Variants in CYP2C19 observed in about 807,000 individuals in gnomAD.
CYP2C19 encodes cytochrome P450 family 2 subfamily C member 19.
In CYP2C19, 59 loss-of-function variants were observed where a neutral mutation model predicts 40.9. The observed-to-expected ratio is 1.44, with a 90% CI of 1.17 to 1.79. The LOEUF (loss-of-function observed/expected upper bound fraction) is 1.79, where lower values mean the gene tolerates loss of function less well. Among genes scored for constraint, CYP2C19 ranks in the 40% most tolerant of loss-of-function variants. The pLI is 0.00. For synonymous variants in CYP2C19, 253 were observed against 208.7 expected (o/e 1.21, Z -1.83); for missense variants, 754 against 596.9 (o/e 1.26, Z -2.74).
At chr10:94,804,449 T>C (rs1848806360) in intron 5 of CYP2C19, among the ~76,000 whole-genome samples, 1 of 152,228 alleles carries the variant, frequency 6.6e-6, no homozygotes. Context: ...AAAGAATGAT[T>C]GACTTTTTAT....
At chr10:94,817,857 C>CA (rs1564674927) in intron 5 of CYP2C19, among the ~76,000 whole-genome samples, 3 of 151,456 alleles carry the variant, frequency 2.0e-5, no homozygotes, top group African/African-American at 7.3e-5. Flanking sequence ...ACTAAAAATA[C>CA]AAAAAATTAG....
chr10:94,838,346 A>G (rs1849436924), intron 6 of CYP2C19, among the ~76,000 whole-genome samples: 2 of 152,196 alleles, frequency 1.3e-5, no homozygotes, highest in Non-Finnish European at 2.9e-5. Context: ...GGCTGCAGAT[A>G]TGGTGGCAAT....
chr10:94,815,288 T>C (rs1286796941), intron 5 of CYP2C19, among the ~76,000 whole-genome samples: 1 of 152,156 alleles, frequency 6.6e-6, no homozygotes, highest in Non-Finnish European at 1.5e-5. Flanking sequence ...GAGAATCTAG[T>C]CTATTTCAGT....
chr10:94,815,744 C>T (rs1251592782), intron 5 of CYP2C19, among the ~76,000 whole-genome samples: 1 of 152,104 alleles, frequency 6.6e-6, no homozygotes, highest in Non-Finnish European at 1.5e-5. Flanking sequence ...TACTGTGGGC[C>T]CATCTTGTCA....
At chr10:94,807,415 A>G (rs1440688565) in intron 5 of CYP2C19, among the ~76,000 whole-genome samples, 1 of 152,104 alleles carries the variant, frequency 6.6e-6, no homozygotes, top group Non-Finnish European at 1.5e-5. Context: ...ATACCCAAGA[A>G]TGGGATTGCT....
chr10:94,770,494 C>T (rs1049977629), intron 1 of CYP2C19, among the ~76,000 whole-genome samples: 2 of 152,018 alleles, frequency 1.3e-5, no homozygotes, highest in Non-Finnish European at 2.9e-5. Context: ...CCTTTTGGGC[C>T]TGTTCCTCTT....
intron 6 of CYP2C19, among the ~76,000 whole-genome samples, chr10:94,826,686 C>T (rs552877984): frequency 1.3e-5 from 2 of 152,138 alleles, no homozygotes; most frequent in East Asian, 3.9e-4. Flanking sequence ...CCAGAACTTC[C>T]AACACTATGT....
intron 5 of CYP2C19, among the ~76,000 whole-genome samples, chr10:94,811,442 A>C (rs112616341): frequency 0.075 from 11,337 of 151,982 alleles, 482 homozygotes; most frequent in South Asian, 0.12. Context: ...TCCTTGTTAA[A>C]TTTCTGTCTC....
intron 5 of CYP2C19, among the ~76,000 whole-genome samples, chr10:94,814,491 C>T (rs1848971553): frequency 6.6e-6 from 1 of 150,900 alleles, no homozygotes. Context: ...TGTTTGTGTG[C>T]AGGTGACGAA....
In CYP2C19 at chr10:94,775,119, T is replaced by C; in HGVS notation, c.230T>C (p.Leu77Pro). ...TTTGGCCTGGAACGCATGGTGGTGC[T>C]GCATGGATATGAAGTGGTGAAGGAA... ...LYFGLERMVV[L>P]HGYEVVKEAL... The change falls in exon 2 of 9, where the codon CTG (leucine) becomes CCG (proline). Residue 77 changes from leucine to proline, a missense_variant. Physicochemically the swap from Leu to Pro is moderately conservative, Grantham distance 98. Coordinates refer to ENST00000371321, the MANE Select transcript of CYP2C19 (RefSeq NM_000769.4). 6.2e-7 allele frequency: 1 copy of C among 1,614,160 alleles called. No individual in the cohort carries two copies. The highest frequency in any genetic ancestry group is 8.5e-7 in the Non-Finnish European group (1 of 1,180,038).
intron 5 of CYP2C19, among the ~76,000 whole-genome samples, chr10:94,810,873 C>G (rs1420823440): frequency 1.3e-5 from 2 of 152,060 alleles, no homozygotes; most frequent in Non-Finnish European, 2.9e-5. Context: ...ATTTTCCTGT[C>G]TCTATCTCCT....
At chr10:94,774,555 G>C (rs1476446590) in intron 1 of CYP2C19, 1 of 166,832 alleles carries the variant, frequency 6.0e-6, no homozygotes, top group Non-Finnish European at 1.3e-5. Flanking sequence ...TCCATAGAGA[G>C]GTGCTTTTAC....
At chr10:94,794,228 G>A (rs907460275) in intron 5 of CYP2C19, among the ~76,000 whole-genome samples, 1 of 152,132 alleles carries the variant, frequency 6.6e-6, no homozygotes, top group Admixed American at 6.5e-5. Flanking sequence ...ATTAGGGTGG[G>A]AGTGTCCCAA....
At chr10:94,839,489 C>T (rs1196227758) in intron 6 of CYP2C19, among the ~76,000 whole-genome samples, 1 of 152,180 alleles carries the variant, frequency 6.6e-6, no homozygotes, top group East Asian at 1.9e-4. Flanking sequence ...AGGGGTGAGT[C>T]CTAGAGCTGG....
chr10:94,838,951 C>A (rs530779155), intron 6 of CYP2C19, among the ~76,000 whole-genome samples: 1 of 150,998 alleles, frequency 6.6e-6, no homozygotes, highest in Admixed American at 6.6e-5. Flanking sequence ...TTTCTTTGAC[C>A]CTTTCTTAGA....
chr10:94,850,078 C>A lies in CYP2C19; in HGVS notation c.1291+20C>A, dbSNP rs773848377. On this transcript the variant is annotated intron_variant, in intron 8 of 8. Transcript: ENST00000371321. The stretch of plus-strand genomic sequence containing the variant: ...CAGCAGGTAATATAAATTTATTTCC[C>A]TTTGTGTTTCAGGGTACAAGATAAC... 11 of 1,612,760 alleles carry A rather than the reference C, an allele frequency of 6.8e-6. No homozygotes were observed. The highest frequency in any genetic ancestry group is 8.5e-6 in the Non-Finnish European group (10 of 1,179,116).
intron 5 of CYP2C19, among the ~76,000 whole-genome samples, chr10:94,812,394 G>A (rs1386381812): frequency 6.6e-6 from 1 of 151,704 alleles, no homozygotes; most frequent in South Asian, 2.1e-4. Context: ...GGTGTTTTCT[G>A]TATTTCCTGA....
chr10:94,824,437 G>A (rs775054750), intron 6 of CYP2C19, among the ~76,000 whole-genome samples: 8 of 152,244 alleles, frequency 5.3e-5, no homozygotes, highest in South Asian at 2.1e-4. Context: ...GTTCAAAATG[G>A]TAGATTTGGA....
chr10:94,829,486 G>A (rs1006733329), intron 6 of CYP2C19, among the ~76,000 whole-genome samples: 2 of 152,172 alleles, frequency 1.3e-5, no homozygotes, highest in Non-Finnish European at 1.5e-5. Flanking sequence ...TAGTTCTCGA[G>A]CCTTGGTTTT....
Sources: gnomAD v4.1 joint callset for allele counts (sites outside exome capture counted in the v4.1 genomes callset) on GRCh38, gnomAD v4.1.1 for gene constraint, MANE v1.5 for transcripts, NCBI Gene and HGNC (gene_info 2026-07-23, HGNC 2026-07-21) for gene names.